Variants in DPYD observed in about 807,000 individuals in gnomAD.
DPYD encodes the protein dihydropyrimidine dehydrogenase, also known as dihydropyrimidine dehydrogenase [NADP(+)].
A neutral mutation model predicts 116.2 loss-of-function variants in DPYD; 109 were observed. That is an observed-to-expected ratio of 0.94 (90% CI 0.80 to 1.10). DPYD has a LOEUF of 1.10. DPYD is among the 50% of genes least tolerant of loss of function. DPYD has a pLI of 0.00. For synonymous variants in DPYD, 440 were observed against 432.0 expected (o/e 1.02, Z -0.23); for missense variants, 1,302 against 1,254.5 (o/e 1.04, Z -0.57).
intron 2 of DPYD, among the ~76,000 whole-genome samples, chr1:97,830,924 G>A (rs1669511800): frequency 6.6e-6 from 1 of 152,090 alleles, no homozygotes; most frequent in Non-Finnish European, 1.5e-5. Context: ...TGGTTAAAAT[G>A]GCATATTCTG....
intron 8 of DPYD, among the ~76,000 whole-genome samples, chr1:97,671,745 T>C (rs1659870356): frequency 6.6e-6 from 1 of 152,070 alleles, no homozygotes; most frequent in Middle Eastern, 3.4e-3. Flanking sequence ...CCAACTCTCA[T>C]AAATGTTTAA....
intron 3 of DPYD, among the ~76,000 whole-genome samples, chr1:97,750,832 C>A (rs886498733): frequency 1.3e-5 from 2 of 152,062 alleles, no homozygotes; most frequent in African/African-American, 4.8e-5. Flanking sequence ...ATATGGAGGG[C>A]CAACTGAGGG....
chr1:97,111,050 C>T (rs566514930), intron 20 of DPYD, among the ~76,000 whole-genome samples: 68 of 152,024 alleles, frequency 4.5e-4, no homozygotes, highest in African/African-American at 1.6e-3. Context: ...TTTCATCCTA[C>T]GTCACTTCTA....
chr1:97,690,821 G>A (rs1259626111), intron 7 of DPYD, among the ~76,000 whole-genome samples: 1 of 151,958 alleles, frequency 6.6e-6, no homozygotes, highest in African/African-American at 2.4e-5. Flanking sequence ...CATTATGTGT[G>A]AATGTTTCAT....
At chr1:97,473,442 G>T (rs1427883313) in intron 13 of DPYD, among the ~76,000 whole-genome samples, 6 of 152,064 alleles carry the variant, frequency 3.9e-5, no homozygotes, top group Non-Finnish European at 8.8e-5. Context: ...AGTCAACATG[G>T]GAGTGCAGGT....
At chr1:97,508,864 A>C (rs1271135974) in intron 13 of DPYD, among the ~76,000 whole-genome samples, 1 of 151,936 alleles carries the variant, frequency 6.6e-6, no homozygotes, top group Non-Finnish European at 1.5e-5. Flanking sequence ...TGAAAATTAT[A>C]TTGTGCAACT....
chr1:97,167,956 A>G (rs993538024), intron 20 of DPYD, among the ~76,000 whole-genome samples: 2 of 152,158 alleles, frequency 1.3e-5, no homozygotes, highest in Admixed American at 6.6e-5. Context: ...ACTCTCATTT[A>G]ATAGTCATAA....
At chr1:97,273,982 A>G (rs1363530656) in intron 18 of DPYD, among the ~76,000 whole-genome samples, 1 of 152,202 alleles carries the variant, frequency 6.6e-6, no homozygotes, top group African/African-American at 2.4e-5. Context: ...TTACTTTTGA[A>G]GAAAGAACAA....
chr1:97,592,849 G>A (rs146813894), intron 10 of DPYD, among the ~76,000 whole-genome samples: 1,543 of 152,182 alleles, frequency 0.01, 13 homozygotes, highest in Non-Finnish European at 0.016. Context: ...GGAAAATTCC[G>A]TATGTGTCTT....
At chr1:97,146,655 C>T (rs983270994) in intron 20 of DPYD, among the ~76,000 whole-genome samples, 2 of 152,118 alleles carry the variant, frequency 1.3e-5, no homozygotes, top group African/African-American at 4.8e-5. Context: ...TTAAACCTTA[C>T]GGAACCTTTT....
intron 16 of DPYD, among the ~76,000 whole-genome samples, chr1:97,314,052 C>T (rs1275246927): frequency 6.6e-6 from 1 of 151,978 alleles, no homozygotes; most frequent in East Asian, 1.9e-4. Context: ...ATTAGCAGCT[C>T]TTGCTCCAGG....
chr1:97,258,953 G>A (rs541306760), intron 18 of DPYD, among the ~76,000 whole-genome samples: 2 of 152,206 alleles, frequency 1.3e-5, no homozygotes, highest in East Asian at 3.9e-4. Flanking sequence ...AAAACCTTGT[G>A]ACTAATTAGA....
At chr1:97,149,643 A>C (rs566321932) in intron 20 of DPYD, among the ~76,000 whole-genome samples, 1 of 152,328 alleles carries the variant, frequency 6.6e-6, no homozygotes, top group South Asian at 2.1e-4. Flanking sequence ...TAGCTACATA[A>C]TTTGGGGACC....
chr1:97,374,577 G>A (rs1326236737), intron 15 of DPYD, among the ~76,000 whole-genome samples: 1 of 151,722 alleles, frequency 6.6e-6, no homozygotes, highest in Non-Finnish European at 1.5e-5. Context: ...AAATTAGCCG[G>A]GCATGGTGGT....
At chr1:97,659,051 A>C (rs1659103175) in intron 8 of DPYD, among the ~76,000 whole-genome samples, 1 of 152,142 alleles carries the variant, frequency 6.6e-6, no homozygotes, top group Non-Finnish European at 1.5e-5. Flanking sequence ...TCCCTGACCC[A>C]ATACACATCC....
intron 12 of DPYD, among the ~76,000 whole-genome samples, chr1:97,518,462 CT>C (rs1312202416): frequency 6.6e-6 from 1 of 152,048 alleles, no homozygotes. Flanking sequence ...CCTGTTCCCC[CT>C]CTGTACCCTT....
In DPYD at chr1:97,102,396, C is replaced by CATATATATATATATATATATATATAT. The variant is rs372249411; in HGVS notation, c.2623-3765_2623-3764insATATATATATATATATATATATATAT. On this transcript the variant is annotated intron_variant, in intron 20 of 22. Transcript: ENST00000370192. Reference sequence around the variant, plus strand: ...TATATCAGAATATATCACTCAGTATCATATATATATATATATATATATATG... The same window carrying CATATATATATATATATATATATATAT: ...TATATCAGAATATATCACTCAGTATCATATATATATATATATATATATATATATATATATATATATATATATATATG... Among the ~76,000 whole-genome samples, 465 of 97,068 alleles carry CATATATATATATATATATATATATAT rather than the reference C, an allele frequency of 4.8e-3. 17 individuals carry two copies. Among genetic ancestry groups the CATATATATATATATATATATATATAT allele is most frequent in the East Asian group, 8.5e-3 (24 of 2,838 alleles). 63.7% of individuals were successfully genotyped at this position (97,068 alleles called of 152,430 possible). A position where few individuals can be genotyped will look rare whatever the true frequency, so the allele number is the denominator to read the frequency against.
intron 7 of DPYD, among the ~76,000 whole-genome samples, chr1:97,686,948 T>C (rs1660768562): frequency 1.3e-5 from 2 of 151,674 alleles, no homozygotes; most frequent in Admixed American, 1.3e-4. Context: ...TAAACAAATT[T>C]ACAAGAAAAA....
At chr1:97,204,464 C>A (rs542505176) in intron 19 of DPYD, among the ~76,000 whole-genome samples, 2 of 152,090 alleles carry the variant, frequency 1.3e-5, no homozygotes, top group South Asian at 2.1e-4. Context: ...ACTAAAAGGG[C>A]ACATATTTTA....
Sources: allele counts gnomAD v4.1 joint callset (sites outside exome capture counted in the v4.1 genomes callset), GRCh38; gene constraint gnomAD v4.1.1; transcripts MANE v1.5; gene names NCBI Gene and HGNC (gene_info 2026-07-23, HGNC 2026-07-21).